Variants in CHRM3 observed in about 807,000 individuals in gnomAD.
CHRM3 encodes the protein cholinergic receptor muscarinic 3, also known as muscarinic acetylcholine receptor M3.
Under a neutral mutation model 41.8 loss-of-function variants are expected in CHRM3, and 11 were observed. The ratio of observed to expected loss-of-function variants is 0.26; its 90% CI spans 0.17 to 0.44. The LOEUF (loss-of-function observed/expected upper bound fraction) is 0.44. Ranked by LOEUF, CHRM3 falls within the 20% of genes least tolerant of loss-of-function variation. The pLI, the probability that CHRM3 is intolerant of heterozygous loss-of-function variation, is 1.00. For synonymous variants in CHRM3, 297 were observed against 301.4 expected (o/e 0.99, Z 0.15); for missense variants, 571 against 745.4 (o/e 0.77, Z 2.72).
At chr1:239,496,709 T>C (rs1017650188) in intron 2 of CHRM3, among the ~76,000 whole-genome samples, 1 of 152,140 alleles carries the variant, frequency 6.6e-6, no homozygotes, top group African/African-American at 2.4e-5. Flanking sequence ...ATTTAATGTA[T>C]ATACCATATG....
At chr1:239,696,312 T>G (rs995372539) in intron 5 of CHRM3, among the ~76,000 whole-genome samples, 3 of 152,130 alleles carry the variant, frequency 2.0e-5, no homozygotes, top group Non-Finnish European at 4.4e-5. Context: ...TATCATGTGC[T>G]ATAAAAAGTG....
intron 1 of CHRM3, among the ~76,000 whole-genome samples, chr1:239,395,990 A>G (rs1659441866): frequency 6.6e-6 from 1 of 152,184 alleles, no homozygotes; most frequent in African/African-American, 2.4e-5. Flanking sequence ...TCAAGTCTCA[A>G]GGTCACCCTT....
At chr1:239,865,138 A>G (rs1024951945) in intron 6 of CHRM3, among the ~76,000 whole-genome samples, 10 of 152,204 alleles carry the variant, frequency 6.6e-5, no homozygotes, top group Non-Finnish European at 1.2e-4. Context: ...AATGCAGTCC[A>G]AAGAGAAGGA....
intron 3 of CHRM3, among the ~76,000 whole-genome samples, chr1:239,557,658 C>T (rs1660489070): frequency 6.6e-6 from 1 of 152,134 alleles, no homozygotes; most frequent in Non-Finnish European, 1.5e-5. Context: ...CCCAACAGGA[C>T]CCAGTGTGTG....
At chr1:239,673,932 C>G (rs1657681675) in intron 4 of CHRM3, among the ~76,000 whole-genome samples, 1 of 152,158 alleles carries the variant, frequency 6.6e-6, no homozygotes, top group Non-Finnish European at 1.5e-5. Context: ...ACTCCAAAAT[C>G]TAAAACACTC....
intron 2 of CHRM3, among the ~76,000 whole-genome samples, chr1:239,519,812 A>C (rs1454415071): frequency 1.5e-5 from 2 of 133,570 alleles, no homozygotes; most frequent in African/African-American, 5.9e-5. Context: ...CAGTGGCACG[A>C]TCTTGGCTCA....
At chr1:239,558,808 T>G (rs1446636404) in intron 3 of CHRM3, among the ~76,000 whole-genome samples, 1 of 152,220 alleles carries the variant, frequency 6.6e-6, no homozygotes, top group Non-Finnish European at 1.5e-5. Flanking sequence ...TGAGTCAACT[T>G]CTTGCTTTAT....
At chr1:239,691,375 T>C (rs1210346453) in intron 5 of CHRM3, among the ~76,000 whole-genome samples, 2 of 151,928 alleles carry the variant, frequency 1.3e-5, no homozygotes, top group African/African-American at 4.8e-5. Context: ...GAATTTTACC[T>C]CACTCAACAT....
At chr1:239,413,312 C>T (rs1661253203) in intron 1 of CHRM3, among the ~76,000 whole-genome samples, 1 of 151,850 alleles carries the variant, frequency 6.6e-6, no homozygotes, top group South Asian at 2.1e-4. Flanking sequence ...TTTATTGAGA[C>T]CGAGTCTCAC....
At chr1:239,399,334 A>AT (rs71567244) in intron 1 of CHRM3, among the ~76,000 whole-genome samples, 4,125 of 135,168 alleles carry the variant, frequency 0.031, 116 homozygotes, top group African/African-American at 0.077. Flanking sequence ...ATGACCTCTG[A>AT]TTTTTTTTTT....
At chr1:239,436,849 G>A (rs1359514492) in intron 1 of CHRM3, among the ~76,000 whole-genome samples, 1 of 151,766 alleles carries the variant, frequency 6.6e-6, no homozygotes, top group Non-Finnish European at 1.5e-5. Flanking sequence ...CTGATTTAAC[G>A]GATGCTGTTA....
intron 6 of CHRM3, among the ~76,000 whole-genome samples, chr1:239,828,980 A>G (rs1290901714): frequency 1.3e-5 from 2 of 152,202 alleles, no homozygotes; most frequent in East Asian, 3.9e-4. Flanking sequence ...GATGCACACT[A>G]TGAGGGCTAG....
chr1:239,516,164 A>G (rs1431398945), intron 2 of CHRM3, among the ~76,000 whole-genome samples: 1 of 151,962 alleles, frequency 6.6e-6, no homozygotes, highest in Non-Finnish European at 1.5e-5. Flanking sequence ...TTTCTTCATT[A>G]GCTAAGATTT....
At chr1:239,649,506 A>G (rs1053314190) in intron 4 of CHRM3, among the ~76,000 whole-genome samples, 10 of 152,228 alleles carry the variant, frequency 6.6e-5, no homozygotes, top group Admixed American at 6.5e-4. Flanking sequence ...GAGGCAGTTG[A>G]TACAGATGAC....
intron 4 of CHRM3, among the ~76,000 whole-genome samples, chr1:239,651,982 T>C (rs4659925): frequency 0.37 from 52,137 of 140,424 alleles, 9,440 homozygotes; most frequent in African/African-American, 0.45. Context: ...TTCGCCAGTT[T>C]TTGTTTTTTT....
Position 239,387,449 on chromosome 1 carries a change from G to A in CHRM3, c.-521+222G>A, listed in dbSNP as rs562474401. ...GAATTCCGACAGCGCGATCTGGTGCGGAGTTGGAGTTCTGGGACTGAGGGT... is the reference window on the plus strand; with the variant it reads ...GAATTCCGACAGCGCGATCTGGTGCAGAGTTGGAGTTCTGGGACTGAGGGT... On this transcript the variant is annotated intron_variant, in intron 1 of 6. Transcript: ENST00000676153. The surrounding 1 kb of genome is among the most constrained non-coding windows in gnomAD (Gnocchi z 5.1). Among the ~76,000 whole-genome samples the A allele has an allele frequency of 2.0e-3, 299 of 152,212 alleles. No homozygotes were observed. The highest frequency in any genetic ancestry group is 3.8e-3 in the Non-Finnish European group (259 of 68,020).
At chr1:239,871,907 C>G (rs1676621605) in intron 6 of CHRM3, among the ~76,000 whole-genome samples, 1 of 152,222 alleles carries the variant, frequency 6.6e-6, no homozygotes, top group Non-Finnish European at 1.5e-5. Flanking sequence ...GAAAAAAGTT[C>G]TTCCACCACA....
chr1:239,771,774 C>G (rs1403166587), intron 5 of CHRM3, among the ~76,000 whole-genome samples: 1 of 152,182 alleles, frequency 6.6e-6, no homozygotes, highest in East Asian at 1.9e-4. Flanking sequence ...GTCTTCCAGA[C>G]AGCATGCCAC....
intron 5 of CHRM3, among the ~76,000 whole-genome samples, chr1:239,765,818 C>CTTTTT (rs1340202928): frequency 2.1e-5 from 3 of 140,332 alleles, no homozygotes; most frequent in African/African-American, 7.9e-5. Flanking sequence ...TCTTTTTTAT[C>CTTTTT]TTTTTTTTTT....
Sources: gnomAD v4.1 joint callset for allele counts (sites outside exome capture counted in the v4.1 genomes callset) on GRCh38, gnomAD v4.1.1 for gene constraint, Gnocchi (gnomAD v3.1) non-coding constraint, MANE v1.5 for transcripts, NCBI Gene and HGNC (gene_info 2026-07-23, HGNC 2026-07-21) for gene names.